EYS: variants seen among roughly 807,000 people sequenced by gnomAD.
The protein encoded by EYS is EGF-like photoreceptor maintenance factor, also known as protein eyes shut homolog.
A neutral mutation model predicts 282.1 loss-of-function variants in EYS; 250 were observed. The ratio of observed to expected loss-of-function variants is 0.89; its 90% CI spans 0.80 to 0.98. EYS has a LOEUF of 0.98. Among genes scored for constraint, EYS ranks in the 50% least tolerant of loss-of-function variants. The pLI, the probability that EYS is intolerant of heterozygous loss-of-function variation, is 0.00. For synonymous variants in EYS, 1,355 were observed against 1,282.9 expected (o/e 1.06, Z -1.20); for missense variants, 4,016 against 3,709.0 (o/e 1.08, Z -2.15).
intron 14 of EYS, among the ~76,000 whole-genome samples, chr6:64,972,885 G>A (rs572585617): frequency 6.6e-6 from 1 of 151,968 alleles, no homozygotes; most frequent in Non-Finnish European, 1.5e-5. Context: ...CTCTAGGTAT[G>A]TTCTTTAGAG....
At chr6:64,232,041 G>A (rs1449067234) in intron 30 of EYS, among the ~76,000 whole-genome samples, 6 of 152,202 alleles carry the variant, frequency 3.9e-5, no homozygotes, top group African/African-American at 1.2e-4. Flanking sequence ...TACTACGCAC[G>A]TTAATGTCAA....
At chr6:63,853,923 C>G (rs1207566726) in intron 36 of EYS, among the ~76,000 whole-genome samples, 1 of 151,800 alleles carries the variant, frequency 6.6e-6, no homozygotes, top group African/African-American at 2.4e-5. Flanking sequence ...GGAAAACTGG[C>G]TAGTCATATG....
chr6:63,946,067 C>T (rs569558710), intron 35 of EYS, among the ~76,000 whole-genome samples: 8 of 152,304 alleles, frequency 5.3e-5, no homozygotes, highest in Non-Finnish European at 1.0e-4. Flanking sequence ...AGAAGGGACT[C>T]TAAAATGCCT....
intron 12 of EYS, among the ~76,000 whole-genome samples, chr6:65,085,384 G>A (rs1774336404): frequency 6.6e-6 from 1 of 151,920 alleles, no homozygotes; most frequent in Admixed American, 6.6e-5. Flanking sequence ...TTTCATATTT[G>A]AACCTCCTTT....
chr6:64,828,082 T>C (rs541827257), intron 19 of EYS, among the ~76,000 whole-genome samples: 1 of 151,984 alleles, frequency 6.6e-6, no homozygotes, highest in African/African-American at 2.4e-5. Context: ...TATAAAAATA[T>C]TCAAATTTCA....
At chr6:65,516,081 A>C (rs1160880260) in intron 2 of EYS, among the ~76,000 whole-genome samples, 1 of 152,012 alleles carries the variant, frequency 6.6e-6, no homozygotes, top group Non-Finnish European at 1.5e-5. Context: ...ATGAATGAAA[A>C]AGAAAAGAAG....
chr6:64,606,555 A>G (rs1766943359), intron 24 of EYS, among the ~76,000 whole-genome samples: 1 of 152,080 alleles, frequency 6.6e-6, no homozygotes, highest in South Asian at 2.1e-4. Flanking sequence ...TTTTATACTT[A>G]TCTTTAACTA....
chr6:64,287,166 CTG>C lies in EYS; in HGVS notation c.6191+19802_6191+19803del, dbSNP rs538423307. 1.2e-4 allele frequency among the ~76,000 whole-genome samples: 18 copies of C among 152,210 alleles called. No individual in the cohort carries two copies. In the South Asian group the frequency reaches 3.1e-3, roughly 26 times the overall value. On this transcript the variant is annotated intron_variant, in intron 30 of 42. Coordinates refer to ENST00000503581, the MANE Select transcript of EYS (RefSeq NM_001142800.2). ...CTTAAAAAGCCAGATGTTTTTCACTCTGGTTTGCCTTAATTAAGTCACTGCCT... is the reference window on the plus strand; with the variant it reads ...CTTAAAAAGCCAGATGTTTTTCACTCGTTTGCCTTAATTAAGTCACTGCCT...
intron 2 of EYS, among the ~76,000 whole-genome samples, chr6:65,558,200 G>A (rs1322479982): frequency 6.6e-6 from 1 of 152,198 alleles, no homozygotes; most frequent in Non-Finnish European, 1.5e-5. Context: ...GTGCCAAGGG[G>A]CAACTGCAGG....
At chr6:64,593,952 T>C (rs1232809455) in intron 24 of EYS, among the ~76,000 whole-genome samples, 3 of 152,192 alleles carry the variant, frequency 2.0e-5, no homozygotes, top group African/African-American at 7.2e-5. Context: ...AAAAACAAGT[T>C]ATACTATATG....
At chr6:64,559,756 T>TA (rs371091889) in intron 26 of EYS, among the ~76,000 whole-genome samples, 19 of 151,924 alleles carry the variant, frequency 1.3e-4, no homozygotes, top group African/African-American at 3.6e-4. Context: ...TACTCTTTTT[T>TA]AAAAAAAAAT....
chr6:64,915,626 T>A (rs779502168), intron 15 of EYS, among the ~76,000 whole-genome samples: 1 of 152,200 alleles, frequency 6.6e-6, no homozygotes, highest in Non-Finnish European at 1.5e-5. Flanking sequence ...ATACATTTTC[T>A]GACCTATGAG....
intron 13 of EYS, among the ~76,000 whole-genome samples, chr6:65,039,000 T>A (rs760384181): frequency 6.6e-6 from 1 of 151,524 alleles, no homozygotes. Flanking sequence ...AATAGTATCA[T>A]TGGTGAGCAA....
intron 15 of EYS, among the ~76,000 whole-genome samples, chr6:64,913,300 T>A (rs1768058997): frequency 6.6e-6 from 1 of 152,118 alleles, no homozygotes; most frequent in African/African-American, 2.4e-5. Context: ...TGCAGGTTTG[T>A]AACACAGATA....
Position 64,410,437 on chromosome 6 carries a change from C to A in EYS, c.5928-21597G>T, listed in dbSNP as rs149479067. On this transcript the variant is annotated intron_variant, in intron 28 of 42. Coordinates refer to ENST00000503581, the MANE Select transcript of EYS (RefSeq NM_001142800.2). Reference sequence around the variant, plus strand: ...TTGGGAATCTTCATGTCCAATGAGCCTTTTACTTCCACTGAAGCAAGAATT... The same window carrying A: ...TTGGGAATCTTCATGTCCAATGAGCATTTTACTTCCACTGAAGCAAGAATT... 4.3e-4 allele frequency among the ~76,000 whole-genome samples: 66 copies of A among 152,192 alleles called. No homozygotes were observed. The East Asian group carries it at 0.012, about 28-fold the overall frequency.
intron 12 of EYS, among the ~76,000 whole-genome samples, chr6:65,096,847 T>A (rs1774753696): frequency 6.6e-6 from 1 of 150,910 alleles, no homozygotes. Flanking sequence ...CAAAATCAAC[T>A]CAAATTGGGT....
intron 12 of EYS, among the ~76,000 whole-genome samples, chr6:65,087,669 C>G (rs992660436): frequency 6.6e-6 from 1 of 152,034 alleles, no homozygotes; most frequent in African/African-American, 2.4e-5. Flanking sequence ...ACACACTAAA[C>G]CCCTCATGTC....
chr6:65,214,783 G>T (rs1264027030), intron 12 of EYS, among the ~76,000 whole-genome samples: 1 of 152,186 alleles, frequency 6.6e-6, no homozygotes, highest in Non-Finnish European at 1.5e-5. Context: ...TGCAGCTGAT[G>T]ACTAAATTGA....
At chr6:63,999,042 T>G (rs1174266046) in intron 34 of EYS, 33 bp downstream of exon 34, 1 of 1,280,004 alleles carries the variant, frequency 7.8e-7, no homozygotes, top group Non-Finnish European at 1.1e-6. Context: ...GAGGGCACAA[T>G]TAGTGTTTGG....
Sources: allele counts gnomAD v4.1 joint callset (sites outside exome capture counted in the v4.1 genomes callset), GRCh38; gene constraint gnomAD v4.1.1; transcripts MANE v1.5; gene names NCBI Gene and HGNC (gene_info 2026-07-23, HGNC 2026-07-21).